Variants in DGLUCY observed in about 807,000 individuals in gnomAD.
DGLUCY encodes the protein D-glutamate cyclase.
DGLUCY carries 58 observed loss-of-function variants against 58.5 expected under a neutral mutation model. That is an observed-to-expected ratio of 0.99 (90% CI 0.80 to 1.23). The LOEUF is 1.23. Among genes scored for constraint, DGLUCY ranks in the 50% most tolerant of loss-of-function variants. The probability of loss-of-function intolerance (pLI) is 0.00; values close to 1 mark genes in which losing one functional copy is unlikely to be tolerated. For missense variants in DGLUCY, 779 were observed against 784.7 expected (o/e 0.99, Z 0.09); for synonymous variants, 325 against 314.1 (o/e 1.03, Z -0.37).
upstream of DGLUCY, among the ~76,000 whole-genome samples, chr14:91,103,448 G>A (rs547594685): frequency 1.2e-4 from 18 of 152,162 alleles, no homozygotes; most frequent in East Asian, 3.3e-3. Context: ...CCTGTCGCAG[G>A]CTTGGCTGGG....
chr14:91,061,364 A>AGACTCTTACTAGGCGCCTAGTAG (rs1366758886), intron 1 of DGLUCY, among the ~76,000 whole-genome samples: 3 of 152,240 alleles, frequency 2.0e-5, no homozygotes, highest in African/African-American at 7.2e-5. Flanking sequence ...TGTTTCGTAC[A>AGACTCTTACTAGGCGCCTAGTAG]AGACTCTTAC....
rs769551399 is a variant in DGLUCY, at chr14:91,170,221, C to T, written c.456+20C>T. On this transcript the variant is annotated intron_variant, in intron 5 of 13. Coordinates refer to ENST00000256324, the MANE Select transcript of DGLUCY (RefSeq NM_001102368.3). ...TACAAGGTAGGGACACAGCCCACAG[C>T]CCACAAGGGCAGAATGGCCTGAAGA... is the stretch of plus-strand genomic sequence containing the variant. The T allele has an allele frequency of 6.2e-7, 1 of 1,606,672 alleles. No homozygotes were observed. The highest frequency in any genetic ancestry group is 8.5e-7 in the Non-Finnish European group (1 of 1,175,400).
chr14:91,150,504 C>A (rs1441389704), intron 1 of DGLUCY, among the ~76,000 whole-genome samples: 1 of 151,990 alleles, frequency 6.6e-6, no homozygotes, highest in Non-Finnish European at 1.5e-5. Context: ...TGCAGTGGTG[C>A]AATCGTGGCT....
intron 1 of DGLUCY, among the ~76,000 whole-genome samples, chr14:91,130,949 T>A (rs2140197553): frequency 6.6e-6 from 1 of 152,248 alleles, no homozygotes. Flanking sequence ...ATATCAGTTT[T>A]ATGTTTTTTT....
chr14:91,194,615 A>G (rs1485366657), intron 9 of DGLUCY, among the ~76,000 whole-genome samples: 5 of 149,660 alleles, frequency 3.3e-5, no homozygotes, highest in African/African-American at 1.2e-4. Flanking sequence ...ATCTTGGCTC[A>G]CTGCAACCTC....
chr14:91,154,516 G>A (rs997671063), intron 1 of DGLUCY, among the ~76,000 whole-genome samples: 10 of 152,254 alleles, frequency 6.6e-5, no homozygotes, highest in Admixed American at 4.6e-4. Flanking sequence ...CTGTTTTAGG[G>A]TAAAGATGTT....
intron 1 of DGLUCY, among the ~76,000 whole-genome samples, chr14:91,091,618 A>C (rs914250337): frequency 4.6e-5 from 7 of 152,192 alleles, no homozygotes; most frequent in African/African-American, 1.7e-4. Flanking sequence ...ATAATGCAAA[A>C]AGTTCTGACA....
chr14:91,132,584 T>G (rs1285914384), intron 1 of DGLUCY, among the ~76,000 whole-genome samples: 1 of 152,018 alleles, frequency 6.6e-6, no homozygotes, highest in Non-Finnish European at 1.5e-5. Flanking sequence ...GTTCAAACGA[T>G]TCTCCTGCCT....
chr14:91,208,103 G>A (rs1885066443), intron 12 of DGLUCY, among the ~76,000 whole-genome samples: 1 of 152,118 alleles, frequency 6.6e-6, no homozygotes, highest in Non-Finnish European at 1.5e-5. Flanking sequence ...AGCAACCAAT[G>A]CAGAATTCTG....
chr14:91,139,086 A>C (rs2046503412), intron 1 of DGLUCY, among the ~76,000 whole-genome samples: 2 of 152,218 alleles, frequency 1.3e-5, no homozygotes, highest in African/African-American at 4.8e-5. Context: ...TCACAGGATT[A>C]TGGAGGCTGA....
rs1436628044 is a variant in DGLUCY, at chr14:91,184,651, GGGAGGGAA to G, written c.934+3270_934+3277del. Among the ~76,000 whole-genome samples, 142 of 120,098 alleles carry G rather than the reference GGGAGGGAA, an allele frequency of 1.2e-3. 4 individuals are homozygous for G. The highest frequency in any genetic ancestry group is 4.5e-3 in the African/African-American group (136 of 30,192). The allele number at this position is 120,098 out of a possible 152,430, so 78.8% of individuals were successfully genotyped here. The stretch of plus-strand genomic sequence containing the variant: ...AGGAAGGAAGGGAGGGAGGGAGGGA[GGGAGGGAA>G]GGAGGGAGGGAGGGAGGGAAGGAAG... On this transcript the variant is annotated intron_variant, in intron 8 of 13. Transcript: ENST00000256324.
At chr14:91,062,273 G>A (rs1238300928) in intron 1 of DGLUCY, among the ~76,000 whole-genome samples, 2 of 151,676 alleles carry the variant, frequency 1.3e-5, no homozygotes, top group African/African-American at 2.4e-5. Flanking sequence ...CAGGTCAGGC[G>A]CAGTGGTTCA....
In DGLUCY at chr14:91,190,881, G is replaced by A. The variant is rs1312666079; in HGVS notation, c.1195+1711G>A. ...GTGGGTTGTAAGCAATCACTGGGGTGCAGAGACAAGGGTGGAAACGGGAGA... is the reference window on the plus strand; with the variant it reads ...GTGGGTTGTAAGCAATCACTGGGGTACAGAGACAAGGGTGGAAACGGGAGA... On this transcript the variant is annotated intron_variant, in intron 9 of 13. Coordinates refer to ENST00000256324, the MANE Select transcript of DGLUCY (RefSeq NM_001102368.3). Among the ~76,000 whole-genome samples, 3 of 152,182 alleles carry A rather than the reference G, an allele frequency of 2.0e-5. No individual in the cohort carries two copies. In the East Asian group the frequency reaches 5.8e-4, roughly 29 times the overall value.
At chr14:91,121,328 C>T (rs1005857687) in intron 1 of DGLUCY, among the ~76,000 whole-genome samples, 2 of 152,164 alleles carry the variant, frequency 1.3e-5, no homozygotes, top group African/African-American at 4.8e-5. Flanking sequence ...ATGCTACCTG[C>T]TCTGTACCTA....
intron 1 of DGLUCY, among the ~76,000 whole-genome samples, chr14:91,089,014 AC>A (rs924950442): frequency 1.3e-5 from 2 of 152,210 alleles, no homozygotes; most frequent in Non-Finnish European, 2.9e-5. Context: ...CACAGGGCCC[AC>A]TCAATAAATA....
chr14:91,193,882 G>T (rs1030924297), intron 9 of DGLUCY, among the ~76,000 whole-genome samples: 2 of 151,348 alleles, frequency 1.3e-5, no homozygotes, highest in African/African-American at 4.9e-5. Context: ...AGCTGACTAG[G>T]CATTGTCATT....
intron 1 of DGLUCY, among the ~76,000 whole-genome samples, chr14:91,154,454 AC>A: frequency 6.6e-6 from 1 of 152,264 alleles, no homozygotes; most frequent in Non-Finnish European, 1.5e-5. Flanking sequence ...TTTGTCGGGC[AC>A]CCATGAAAAT....
intron 1 of DGLUCY, among the ~76,000 whole-genome samples, chr14:91,088,710 TC>T (rs1192097721): frequency 1.3e-5 from 2 of 152,196 alleles, no homozygotes; most frequent in Non-Finnish European, 2.9e-5. Context: ...TGACCTCAAC[TC>T]CCAGTGCCTT....
chr14:91,100,948 A>G (rs1018823551), intron 1 of DGLUCY, among the ~76,000 whole-genome samples: 1 of 151,912 alleles, frequency 6.6e-6, no homozygotes, highest in Non-Finnish European at 1.5e-5. Context: ...GCGCACACCT[A>G]TGGTCCCAGC....
Sources: gnomAD v4.1 joint callset for allele counts (sites outside exome capture counted in the v4.1 genomes callset) on GRCh38, gnomAD v4.1.1 for gene constraint, MANE v1.5 for transcripts, NCBI Gene and HGNC (gene_info 2026-07-23, HGNC 2026-07-21) for gene names.